The following DYSF variants were observed in gnomAD, a reference collection of about 807,000 sequenced individuals.
DYSF encodes dystrophy-associated fer-1-like 1.
A neutral mutation model predicts 274.9 loss-of-function variants in DYSF; 212 were observed. That is an observed-to-expected ratio of 0.77 (90% CI 0.69 to 0.86). The LOEUF (loss-of-function observed/expected upper bound fraction) is 0.86, where lower values mean the gene tolerates loss of function less well. DYSF is among the 40% of genes least tolerant of loss of function. The pLI is 0.00. For missense variants in DYSF, 2,666 were observed against 2,783.2 expected (o/e 0.96, Z 0.95); for synonymous variants, 1,091 against 1,078.7 (o/e 1.01, Z -0.22).
At chr2:71,455,872 C>A (rs1022094194) in intron 1 of DYSF, among the ~76,000 whole-genome samples, 1 of 152,170 alleles carries the variant, frequency 6.6e-6, no homozygotes, top group African/African-American at 2.4e-5. Context: ...CCCCTCTGCA[C>A]CCCCATACAC....
intron 13 of DYSF, among the ~76,000 whole-genome samples, chr2:71,527,171 T>C (rs1297372720): frequency 2.6e-5 from 4 of 152,176 alleles, no homozygotes; most frequent in East Asian, 1.9e-4. Context: ...GGGCTCAGCA[T>C]TGGTAGGGTT....
chr2:71,644,266 C>G (rs2094533647), intron 42 of DYSF, among the ~76,000 whole-genome samples: 1 of 152,146 alleles, frequency 6.6e-6, no homozygotes, highest in Non-Finnish European at 1.5e-5. Context: ...GCTGGGATAA[C>G]CAAGACAGTA....
At chr2:71,579,194 G>A (rs888229340) in intron 30 of DYSF, among the ~76,000 whole-genome samples, 8 of 152,190 alleles carry the variant, frequency 5.3e-5, no homozygotes, top group South Asian at 2.1e-4. Flanking sequence ...GACGGCTGCC[G>A]GGATGAGCTC....
rs931960099 is a variant in DYSF at position 71,481,589 on chromosome 2, G to A, written c.148-290G>A. On this transcript the variant is annotated intron_variant, in intron 2 of 55. Coordinates refer to ENST00000410020, the MANE Select transcript of DYSF (RefSeq NM_001130987.2). ...TCCTGGCTTGGCTTCCTGGGGATGG[G>A]TTGAAACTGAGTTGGGAGAGGGGCC... Among the ~76,000 whole-genome samples, 23 of 152,206 alleles carry A rather than the reference G, an allele frequency of 1.5e-4. 1 individual carries two copies. The highest frequency in any genetic ancestry group is 1.5e-5 in the Non-Finnish European group (1 of 68,034).
intron 48 of DYSF, 121 bp from the exon 49 acceptor site, chr2:71,668,633 C>T (rs2095061022): frequency 1.3e-5 from 12 of 933,322 alleles, no homozygotes; most frequent in Admixed American, 2.1e-5. Flanking sequence ...GGCAGTGAGG[C>T]TTTCTCTGGA....
At chr2:71,669,400 T>C (rs2095078734) in intron 50 of DYSF, among the ~76,000 whole-genome samples, 193 bp downstream of exon 50, 2 of 152,158 alleles carry the variant, frequency 1.3e-5, no homozygotes, top group Non-Finnish European at 2.9e-5. Flanking sequence ...CACTGAACTT[T>C]GGGTTGAACT....
chr2:71,618,446 AGAGGTGGGGTTG>A (rs2093987279), intron 40 of DYSF, among the ~76,000 whole-genome samples: 1 of 52,156 alleles, frequency 1.9e-5, no homozygotes, highest in Non-Finnish European at 3.5e-5. Flanking sequence ...TGTGTGTGGT[AGAGGTGGGGTTG>A]TGTGTGTGTG....
chr2:71,513,138 G>T, intron 5 of DYSF, 102 bp from the exon 6 acceptor site: 1 of 1,091,102 alleles, frequency 9.2e-7, no homozygotes, highest in South Asian at 1.3e-5. Context: ...AGGCTGGGGT[G>T]GGCGGGGAAG....
intron 11 of DYSF, 87 bp from the exon 12 acceptor site, chr2:71,520,702 C>T: frequency 8.9e-7 from 1 of 1,129,722 alleles, no homozygotes; most frequent in Non-Finnish European, 1.4e-6. Flanking sequence ...TTTACCTCCC[C>T]TGTGCAGTCC....
At chr2:71,535,480 G>A (rs145785417) in intron 16 of DYSF, among the ~76,000 whole-genome samples, 169 bp downstream of exon 16, 21 of 152,110 alleles carry the variant, frequency 1.4e-4, no homozygotes, top group Admixed American at 3.9e-4. Context: ...GCAGTTCCTC[G>A]GAAGCTTACT....
In DYSF at chr2:71,592,879, G is replaced by C. The variant is rs753300187; in HGVS notation, c.3574+2591G>C. On this transcript the variant is annotated intron_variant, in intron 32 of 55. Transcript: ENST00000410020. ...GGTCGAATATTTGAGGAGATAGGCA[G>C]GGGTTGCCCAGAAAACACTTGTTGA... Among the ~76,000 whole-genome samples the C allele has an allele frequency of 3.0e-4, 46 of 152,214 alleles. 1 individual carries two copies. The highest frequency in any genetic ancestry group is 9.8e-4 in the Admixed American group (15 of 15,284).
chr2:71,463,448 C>T (rs2081368403), upstream of DYSF, among the ~76,000 whole-genome samples: 1 of 152,178 alleles, frequency 6.6e-6, no homozygotes, highest in South Asian at 2.1e-4. Context: ...GAGCTTGGGG[C>T]TCCCACCCCA....
rs540477571 is a variant in DYSF, at chr2:71,662,175, A to G, written c.5003+1524A>G. On this transcript the variant is annotated intron_variant, in intron 45 of 55. Coordinates refer to ENST00000410020, the MANE Select transcript of DYSF (RefSeq NM_001130987.2). ...ATCACAACAGAAACCCTTCCATTCT[A>G]TAACCCATGTGTCAGACGAACACAA... Among the ~76,000 whole-genome samples the G allele has an allele frequency of 1.4e-3, 220 of 152,360 alleles. 1 individual carries two copies. The highest frequency in any genetic ancestry group is 4.9e-3 in the African/African-American group (205 of 41,584).
chr2:71,454,178 G>A, intron 1 of DYSF: 1 of 1,268,286 alleles, frequency 7.9e-7, no homozygotes, highest in South Asian at 1.3e-5. Context: ...CTAGAGCTGA[G>A]AGACAGGAGA....
chr2:71,515,508 T>C, intron 7 of DYSF, 115 bp from the exon 8 acceptor site: 1 of 1,468,600 alleles, frequency 6.8e-7, no homozygotes. Flanking sequence ...TTTAATACTT[T>C]CCCCAAGAAG....
At chr2:71,543,730 CGCGCGCCTGCAA>C (rs2090182377) in intron 17 of DYSF, among the ~76,000 whole-genome samples, 2 of 152,182 alleles carry the variant, frequency 1.3e-5, no homozygotes, top group African/African-American at 4.8e-5. Flanking sequence ...GGCGTGGCGG[CGCGCGCCTGCAA>C]TCGCAGGCAC....
At position 71,466,906 on chromosome 2, in the gene DYSF, G is replaced by C. The variant is rs1383250498; in HGVS notation, c.64G>C (p.Asp22His). 1.3e-6 allele frequency: 2 copies of C among 1,549,998 alleles called. No individual in the cohort carries two copies. The highest frequency in any genetic ancestry group is 2.7e-5 in the African/African-American group (2 of 73,050). The part of the protein sequence containing the change: ...LPSAKKDRRS[D>H]PVASLTFRGV... Reference sequence around the variant, plus strand: ...CAGTGCGAAGAAGGACCGGCGCAGCGACCCTGTCGCAAGCCTGACTTTCCG... The same window carrying C: ...CAGTGCGAAGAAGGACCGGCGCAGCCACCCTGTCGCAAGCCTGACTTTCCG... Residue 22 changes from aspartate to histidine, a missense_variant, in exon 1 of 56, where the codon GAC becomes CAC. Transcript: ENST00000410020.
At chr2:71,670,758 G>C (rs1171172711) in intron 51 of DYSF, among the ~76,000 whole-genome samples, 1 of 152,210 alleles carries the variant, frequency 6.6e-6, no homozygotes, top group Non-Finnish European at 1.5e-5. Context: ...TGCCCTCAGA[G>C]AGCAGCCCCC....
intron 36 of DYSF, among the ~76,000 whole-genome samples, chr2:71,605,162 C>T (rs982886968): frequency 6.6e-6 from 1 of 152,210 alleles, no homozygotes; most frequent in African/African-American, 2.4e-5. Flanking sequence ...TCCTGAGTCT[C>T]TTCCCACTCT....
Sources: allele counts gnomAD v4.1 joint callset (sites outside exome capture counted in the v4.1 genomes callset), GRCh38; gene constraint gnomAD v4.1.1; transcripts MANE v1.5; gene names NCBI Gene and HGNC (gene_info 2026-07-23, HGNC 2026-07-21).